The following MAP3K20 variants were observed in gnomAD, a reference collection of about 807,000 sequenced individuals.
MAP3K20 encodes the protein HCCS-4.
MAP3K20 carries 40 observed loss-of-function variants against 85.7 expected under a neutral mutation model. The ratio of observed to expected loss-of-function variants is 0.47; its 90% CI spans 0.36 to 0.61. MAP3K20 has a LOEUF of 0.61. Ranked by LOEUF, MAP3K20 falls within the 20% of genes least tolerant of loss-of-function variation. The pLI, the probability that MAP3K20 is intolerant of heterozygous loss-of-function variation, is 0.00. For missense variants in MAP3K20, 817 were observed against 961.7 expected, an observed-to-expected ratio of 0.85 and a Z score of 1.99; for synonymous variants, 325 against 327.7, an observed-to-expected ratio of 0.99 and a Z score of 0.09.
intron 16 of MAP3K20, among the ~76,000 whole-genome samples, chr2:173,258,335 C>T (rs79198355): frequency 0.012 from 1,882 of 152,192 alleles, 37 homozygotes; most frequent in African/African-American, 0.043. Context: ...AGAAAATGTT[C>T]CTACAATGTT....
chr2:173,224,716 C>T (rs1684338835), intron 11 of MAP3K20: 8 of 985,410 alleles, frequency 8.1e-6, no homozygotes, highest in Non-Finnish European at 9.6e-6. Context: ...CAATGTCCTT[C>T]TAGTGGTTTG....
intron 16 of MAP3K20, among the ~76,000 whole-genome samples, chr2:173,258,246 A>G (rs923773707): frequency 1.3e-5 from 2 of 152,174 alleles, no homozygotes; most frequent in Admixed American, 6.5e-5. Context: ...ATCATTATCA[A>G]TCTAGGAAAA....
intron 2 of MAP3K20, among the ~76,000 whole-genome samples, chr2:173,129,926 A>G (rs1688557989): frequency 6.6e-6 from 1 of 152,248 alleles, no homozygotes; most frequent in East Asian, 1.9e-4. Context: ...GTTGATAAAG[A>G]TAAAAATGAA....
intron 1 of MAP3K20, among the ~76,000 whole-genome samples, chr2:173,082,613 G>C (rs1687041790): frequency 6.6e-6 from 1 of 152,216 alleles, no homozygotes; most frequent in Non-Finnish European, 1.5e-5. Context: ...AGTGAGCCTT[G>C]TTTACTCATA....
Position 173,075,990 on chromosome 2 carries a change from G to A in MAP3K20, c.-47G>A, listed in dbSNP as rs2106127258. The A allele has an allele frequency of 2.0e-6, 2 of 984,860 alleles. No individual in the cohort carries two copies. The highest frequency in any genetic ancestry group is 1.7e-5 in the African/African-American group (1 of 57,268). The allele number at this position is 984,860 out of a possible 1,614,324, so 61.0% of individuals were successfully genotyped here. ...CGCCCCCGGCTGCTGCTCACGCCCC[G>A]CCCGGGAGCCAGGTAGGGGTCAGGC... On this transcript the variant is annotated 5_prime_UTR_variant, in exon 1 of 20. Transcript: ENST00000375213.
intron 15 of MAP3K20, among the ~76,000 whole-genome samples, chr2:173,239,171 C>G (rs1034175666): frequency 2.6e-5 from 4 of 152,180 alleles, no homozygotes; most frequent in African/African-American, 9.7e-5. Context: ...AAATGTAAGA[C>G]AGTGACATTC....
At chr2:173,238,203 C>G (rs1270103535) in intron 14 of MAP3K20, among the ~76,000 whole-genome samples, 170 bp from the exon 15 acceptor site, 1 of 152,156 alleles carries the variant, frequency 6.6e-6, no homozygotes, top group Non-Finnish European at 1.5e-5. Context: ...TACAAACCAC[C>G]TACACTGCTT....
intron 11 of MAP3K20, chr2:173,227,255 C>A: frequency 3.7e-6 from 2 of 537,292 alleles, no homozygotes; most frequent in Non-Finnish European, 4.8e-6. Flanking sequence ...TAGCTTTTCT[C>A]TCCTAAAGTC....
At chr2:173,150,994 A>G (rs1025623509) in intron 2 of MAP3K20, among the ~76,000 whole-genome samples, 1 of 152,192 alleles carries the variant, frequency 6.6e-6, no homozygotes, top group African/African-American at 2.4e-5. Context: ...GTTTTATTTT[A>G]CATATAAAGA....
At chr2:173,265,599 G>A (rs1685401448) in intron 19 of MAP3K20, among the ~76,000 whole-genome samples, 1 of 152,124 alleles carries the variant, frequency 6.6e-6, no homozygotes, top group African/African-American at 2.4e-5. Context: ...CAAACCTTTT[G>A]TTTACTAAAC....
chr2:173,093,743 A>G (rs1322081206), intron 2 of MAP3K20, among the ~76,000 whole-genome samples: 1 of 152,138 alleles, frequency 6.6e-6, no homozygotes, highest in Non-Finnish European at 1.5e-5. Flanking sequence ...ACCAACCCAA[A>G]TGTCCAACAA....
chr2:173,229,479 T>C (rs1684470108), intron 11 of MAP3K20, among the ~76,000 whole-genome samples: 4 of 152,152 alleles, frequency 2.6e-5, no homozygotes, highest in South Asian at 2.1e-4. Flanking sequence ...CCAAAGTACA[T>C]GAATTGTTAC....
chr2:173,077,352 T>G, intron 1 of MAP3K20, among the ~76,000 whole-genome samples: 1 of 135,796 alleles, frequency 7.4e-6, no homozygotes, highest in African/African-American at 2.7e-5. Context: ...ATCTCCACAG[T>G]GAAATTTCAC....
chr2:173,129,082 G>A (rs1191404489), intron 2 of MAP3K20, among the ~76,000 whole-genome samples: 1 of 151,638 alleles, frequency 6.6e-6, no homozygotes, highest in African/African-American at 2.4e-5. Context: ...CGCCACCATG[G>A]CCTAGCTGAT....
rs1311193432 is a variant in MAP3K20, at chr2:173,266,174, T to C, written c.1827T>C (p.Asp609=). ...SPFFSHFDGQ[D]SYAAAVRRPQ... Reference sequence around the variant, plus strand: ...TCTTCTCACACTTTGATGGCCAGGATTCCTACGCTGCTGCTGTGAGACGGC... The same window carrying C: ...TCTTCTCACACTTTGATGGCCAGGACTCCTACGCTGCTGCTGTGAGACGGC... The change falls in exon 20 of 20, where the codon GAT becomes GAC. Residue 609 remains aspartate, a synonymous_variant. Coordinates refer to ENST00000375213, the MANE Select transcript of MAP3K20 (RefSeq NM_016653.3). 6.2e-7 allele frequency: 1 copy of C among 1,614,034 alleles called. No individual in the cohort carries two copies.
At chr2:173,087,728 T>C (rs1687181165) in intron 1 of MAP3K20, among the ~76,000 whole-genome samples, 1 of 152,218 alleles carries the variant, frequency 6.6e-6, no homozygotes, top group Admixed American at 6.5e-5. Context: ...CAAAATTATA[T>C]GGAAAATCAT....
intron 2 of MAP3K20, among the ~76,000 whole-genome samples, chr2:173,096,091 A>G (rs1687450622): frequency 6.6e-6 from 1 of 152,142 alleles, no homozygotes; most frequent in Non-Finnish European, 1.5e-5. Flanking sequence ...CCTTCCATTC[A>G]TTAATTCATT....
At chr2:173,197,965 G>A in intron 7 of MAP3K20, 61 bp from the exon 8 acceptor site, 1 of 1,480,776 alleles carries the variant, frequency 6.8e-7, no homozygotes, top group East Asian at 2.3e-5. Context: ...TAAGGTCTCA[G>A]TAATATGTAC....
chr2:173,182,238 A>G (rs941930792), intron 3 of MAP3K20, among the ~76,000 whole-genome samples: 5 of 152,236 alleles, frequency 3.3e-5, no homozygotes, highest in African/African-American at 9.6e-5. Flanking sequence ...ATTAACTGCA[A>G]ACTGGCACAA....
Sources: gnomAD v4.1 joint callset for allele counts (sites outside exome capture counted in the v4.1 genomes callset) on GRCh38, gnomAD v4.1.1 for gene constraint, MANE v1.5 for transcripts, NCBI Gene and HGNC (gene_info 2026-07-23, HGNC 2026-07-21) for gene names.